Variants in SYNE1 observed in about 807,000 individuals in gnomAD.
SYNE1 encodes the protein spectrin repeat containing nuclear envelope protein 1, also known as nesprin-1.
In SYNE1, 616 loss-of-function variants were observed where a neutral mutation model predicts 1,111.0. The observed-to-expected ratio is 0.55, with a 90% CI of 0.52 to 0.59. The LOEUF (loss-of-function observed/expected upper bound fraction) is 0.59, where lower values mean the gene tolerates loss of function less well. Ranked by LOEUF, SYNE1 falls within the 20% of genes least tolerant of loss-of-function variation. The pLI is 0.00. For synonymous variants in SYNE1, 3,855 were observed against 3,825.8 expected (o/e 1.01, Z -0.28); for missense variants, 10,006 against 10,417.0 (o/e 0.96, Z 1.72).
chr6:152,333,308 A>T (rs1467524129), intron 77 of SYNE1, among the ~76,000 whole-genome samples: 1 of 152,194 alleles, frequency 6.6e-6, no homozygotes, highest in African/African-American at 2.4e-5. Context: ...AAAAAACCTG[A>T]CTGAATTACA....
rs774322624 is a variant in SYNE1 at position 152,352,245 on chromosome 6, T to G, written c.11362A>C (p.Lys3788Gln). The change falls in exon 70 of 146, where the codon AAG becomes CAG. Residue 3788 changes from lysine to glutamine, a missense_variant. Lys to Gln is a moderately conservative substitution (Grantham distance 53). Around this residue, in one of 7 missense-constraint regions of SYNE1, gnomAD observed 4,955 missense variants for 5,017.2 expected, o/e 0.99. Coordinates refer to ENST00000367255, the MANE Select transcript of SYNE1 (RefSeq NM_182961.4). ...LEEGEAERLRKEIHDHMEQLK... is the reference protein window; with the variant it reads ...LEEGEAERLRQEIHDHMEQLK... The stretch of plus-strand genomic sequence containing the variant: ...TGCTCCATGTGATCATGAATCTCCT[T>G]TCTTAACCTCTCTGCCTCGCCTTCC... 1.7e-5 allele frequency: 27 copies of G among 1,614,042 alleles called. No individual in the cohort carries two copies. Among genetic ancestry groups the G allele is most frequent in the Admixed American group, 3.3e-5 (2 of 59,994 alleles).
intron 98 of SYNE1, among the ~76,000 whole-genome samples, chr6:152,277,192 T>G (rs2093686312): frequency 1.3e-5 from 2 of 148,956 alleles, no homozygotes; most frequent in South Asian, 4.3e-4. Context: ...ACCTGGCCTG[T>G]GTACTTTTTA....
chr6:152,551,592 A>G (rs1038979009), intron 3 of SYNE1, among the ~76,000 whole-genome samples: 4 of 152,360 alleles, frequency 2.6e-5, no homozygotes, highest in Middle Eastern at 3.4e-3. Context: ...AAATGCAAAG[A>G]AAAGTTCAGA....
intron 84 of SYNE1, among the ~76,000 whole-genome samples, chr6:152,321,035 T>A (rs1277202935): frequency 1.3e-5 from 2 of 152,210 alleles, no homozygotes; most frequent in Admixed American, 1.3e-4. Flanking sequence ...AAATTATCTT[T>A]AATTGTATGG....
intron 27 of SYNE1, among the ~76,000 whole-genome samples, chr6:152,450,241 G>T (rs2154249783): frequency 6.6e-6 from 1 of 152,308 alleles, no homozygotes; most frequent in East Asian, 1.9e-4. Context: ...GGACATGTTT[G>T]CTTCCCCTTC....
chr6:152,309,769 A>T, intron 90 of SYNE1, 66 bp downstream of exon 90: 17 of 1,597,726 alleles, frequency 1.1e-5, no homozygotes, highest in Non-Finnish European at 1.4e-5. Flanking sequence ...AGCCCACACA[A>T]TGCTAAGAAA....
chr6:152,213,624 C>T lies in SYNE1; in HGVS notation c.22482G>A (p.Gln7494=), dbSNP rs1234434758. 1 of 1,614,080 alleles carries T rather than the reference C, an allele frequency of 6.2e-7. No homozygotes were observed. The highest frequency in any genetic ancestry group is 1.3e-5 in the African/African-American group (1 of 75,040). The change falls in exon 123 of 146, where the codon CAG becomes CAA. Residue 7494 remains glutamine, a synonymous_variant. Coordinates refer to ENST00000367255, the MANE Select transcript of SYNE1 (RefSeq NM_182961.4). ...SGNYQHLLEQ[Q]RAHELFQAEM... ...TGATACAACTTACCTCGTGTGCTCTCTGCTGTTCCAAAAGGTGCTGATAAT... is the reference window on the plus strand; with the variant it reads ...TGATACAACTTACCTCGTGTGCTCTTTGCTGTTCCAAAAGGTGCTGATAAT...
At chr6:152,511,570 C>T (rs764763125) in intron 6 of SYNE1, 47 of 1,612,514 alleles carry the variant, frequency 2.9e-5, no homozygotes, top group Non-Finnish European at 8.5e-7. Context: ...TTTGTACTAA[C>T]CGGTGATCCT....
Position 152,352,012 on chromosome 6 carries a change from G to A in SYNE1, c.11580+15C>T, listed in dbSNP as rs6908392. On this transcript the variant is annotated intron_variant, in intron 70 of 145. Coordinates refer to ENST00000367255, the MANE Select transcript of SYNE1 (RefSeq NM_182961.4). ...GTGACCTCTGCATGCATCTGTCAAT[G>A]AGTAAACACACTACCTTGTATTTAG... The A allele has an allele frequency of 0.6, 967,442 of 1,611,640 alleles. 291,700 individuals are homozygous for A. The highest frequency in any genetic ancestry group is 0.64 in the East Asian group (28,583 of 44,838).
chr6:152,310,671 T>C lies in SYNE1; in HGVS notation c.16896+17A>G. ...GATAGACATTTTTTTCTGTTTCTTT[T>C]TTTTTTCTTTTTTTACCTTAGCTGC... is the stretch of plus-strand genomic sequence containing the variant. On this transcript the variant is annotated intron_variant, in intron 88 of 145. Transcript: ENST00000367255. 3 of 1,611,600 alleles carry C rather than the reference T, an allele frequency of 1.9e-6. No homozygotes were observed. Among genetic ancestry groups the C allele is most frequent in the South Asian group, 2.2e-5 (2 of 90,598 alleles).
At chr6:152,358,022 T>C (rs1468413741) in intron 66 of SYNE1, among the ~76,000 whole-genome samples, 1 of 152,244 alleles carries the variant, frequency 6.6e-6, no homozygotes, top group African/African-American at 2.4e-5. Context: ...CACCTTCTAA[T>C]GACTTCTGCC....
chr6:152,434,591 A>G (rs977816024), intron 33 of SYNE1: 1 of 152,160 alleles, frequency 6.6e-6, no homozygotes, highest in Non-Finnish European at 1.5e-5. Flanking sequence ...CACCCTAACT[A>G]CTTTTAGACA....
chr6:152,464,508 A>T (rs1338674518), intron 18 of SYNE1, among the ~76,000 whole-genome samples: 2 of 152,194 alleles, frequency 1.3e-5, no homozygotes, highest in Non-Finnish European at 2.9e-5. Context: ...TCTACATGAA[A>T]TATGGAATGG....
intron 127 of SYNE1, among the ~76,000 whole-genome samples, chr6:152,195,752 G>A (rs186565200): frequency 6.6e-6 from 1 of 152,148 alleles, no homozygotes; most frequent in African/African-American, 2.4e-5. Context: ...AACTGTACTG[G>A]GTTAGGCCTG....
At chr6:152,586,569 A>C (rs887152202) in intron 3 of SYNE1, among the ~76,000 whole-genome samples, 3 of 152,034 alleles carry the variant, frequency 2.0e-5, no homozygotes, top group Non-Finnish European at 4.4e-5. Context: ...GTACCCAATT[A>C]TATTGGCTGG....
chr6:152,381,242 C>G lies in SYNE1; in HGVS notation c.8773G>C (p.Ala2925Pro). 4 of 1,614,230 alleles carry G rather than the reference C, an allele frequency of 2.5e-6. No individual in the cohort carries two copies. Among genetic ancestry groups the G allele is most frequent in the Non-Finnish European group, 3.4e-6 (4 of 1,180,048 alleles). ...CACTGCTTCCAGTCGGCACGCAGGG[C>G]CTGCATCTCCGTGTGCATGAGCTCA... ...GCELMHTEMQALRADWKQWED... is the reference protein window; with the variant it reads ...GCELMHTEMQPLRADWKQWED... The change falls in exon 56 of 146, where the codon GCC (alanine) becomes CCC (proline). Residue 2925 changes from alanine to proline, a missense_variant. By Grantham distance (27) the Ala-to-Pro change is conservative (BLOSUM62 -1). Around this residue, in one of 7 missense-constraint regions of SYNE1, gnomAD observed 4,955 missense variants for 5,017.2 expected, o/e 0.99. Transcript: ENST00000367255.
chr6:152,379,873 T>C (rs1339989505), intron 56 of SYNE1, among the ~76,000 whole-genome samples: 1 of 152,210 alleles, frequency 6.6e-6, no homozygotes, highest in Non-Finnish European at 1.5e-5. Context: ...AGCCAAATCT[T>C]TCCTTTTTAA....
In SYNE1 at chr6:152,321,809, A is replaced by G; in HGVS notation, c.15995T>C (p.Ile5332Thr). 6.2e-7 allele frequency: 1 copy of G among 1,614,004 alleles called. No homozygotes were observed. Among genetic ancestry groups the G allele is most frequent in the East Asian group, 2.2e-5 (1 of 44,848 alleles). ...CTGAACCCAACATTTCACAGAATTG[A>G]TCTGAGTCTCCACCATTTCTCGGTC... ...LKDREMVETQ[I>T]NSVKCWVQET... Residue 5332 changes from isoleucine (I) to threonine (T), a missense_variant, in exon 83 of 146, where the codon ATC becomes ACC. Coordinates refer to ENST00000367255, the MANE Select transcript of SYNE1 (RefSeq NM_182961.4).
chr6:152,243,917 T>G (rs965392742), intron 106 of SYNE1, among the ~76,000 whole-genome samples: 1 of 152,174 alleles, frequency 6.6e-6, no homozygotes, highest in African/African-American at 2.4e-5. Context: ...AATATCAGAT[T>G]CTTGCCTAAA....
Sources: allele counts gnomAD v4.1 joint callset (sites outside exome capture counted in the v4.1 genomes callset), GRCh38; gene constraint gnomAD v4.1.1; regional missense constraint gnomAD v4.1.1; transcripts MANE v1.5; gene names NCBI Gene and HGNC (gene_info 2026-07-23, HGNC 2026-07-21).